Variants in RGS8 observed in about 807,000 individuals in gnomAD.
RGS8 encodes the protein regulator of G-protein signaling 8.
A neutral mutation model predicts 21.7 loss-of-function variants in RGS8; 8 were observed. That is an observed-to-expected ratio of 0.37 (90% CI 0.22 to 0.66). The LOEUF (loss-of-function observed/expected upper bound fraction) is 0.66. Among genes scored for constraint, RGS8 ranks in the 30% least tolerant of loss-of-function variants. RGS8 has a pLI of 0.59. For synonymous variants in RGS8, 80 were observed against 83.6 expected, an observed-to-expected ratio of 0.96 and a Z score of 0.24; for missense variants, 157 against 217.9, an observed-to-expected ratio of 0.72 and a Z score of 1.76.
chr1:182,663,377 C>T (rs1311301389), intron 5 of RGS8, among the ~76,000 whole-genome samples: 3 of 152,228 alleles, frequency 2.0e-5, no homozygotes, highest in African/African-American at 7.2e-5. Flanking sequence ...AAGACCCTTT[C>T]TTTTCGAAGA....
upstream of RGS8, among the ~76,000 whole-genome samples, chr1:182,685,128 T>C (rs1003672973): frequency 1.1e-4 from 16 of 150,066 alleles, no homozygotes; most frequent in Non-Finnish European, 2.4e-4. Context: ...AAGAGTGTAA[T>C]GCATGAAATG....
chr1:182,712,379 G>C, the RGS8 span, among the ~76,000 whole-genome samples: 1 of 152,180 alleles, frequency 6.6e-6, no homozygotes, highest in African/African-American at 2.4e-5. Context: ...CCCAGACCCT[G>C]CCCTACAGGC....
At chr1:182,646,957 G>C (rs904376930) in intron 6 of RGS8, 40 bp from the exon 8 acceptor site, 3 of 1,557,256 alleles carry the variant, frequency 1.9e-6, no homozygotes, top group Non-Finnish European at 2.6e-6. Flanking sequence ...AGGCCCTCAA[G>C]GGCCAAGGTT....
the RGS8 span, among the ~76,000 whole-genome samples, chr1:182,692,195 G>A: frequency 6.6e-6 from 1 of 151,922 alleles, no homozygotes; most frequent in Admixed American, 6.6e-5. Context: ...AGTAGAGACA[G>A]GCTTTCAGCA....
chr1:182,656,281 G>C (rs555812106), intron 5 of RGS8, among the ~76,000 whole-genome samples: 8 of 152,098 alleles, frequency 5.3e-5, no homozygotes, highest in Non-Finnish European at 1.2e-4. Context: ...AGGAGAGACG[G>C]ACTGTAAGCC....
At chr1:182,682,737 C>A (rs1664577096) in intron 1 of RGS8, among the ~76,000 whole-genome samples, 1 of 152,148 alleles carries the variant, frequency 6.6e-6, no homozygotes, top group Admixed American at 6.5e-5. Context: ...TTTTTCCACC[C>A]CAACTCTGCC....
chr1:182,735,842 G>C, the RGS8 span, among the ~76,000 whole-genome samples: 1 of 152,162 alleles, frequency 6.6e-6, no homozygotes, highest in Non-Finnish European at 1.5e-5. Context: ...CCCTCACAGA[G>C]ACACAGGCAA....
the RGS8 span, among the ~76,000 whole-genome samples, chr1:182,737,389 C>T: frequency 2.0e-5 from 3 of 152,010 alleles, no homozygotes; most frequent in East Asian, 1.9e-4. Flanking sequence ...GTGTCCCCAC[C>T]GAAATCTCAT....
the RGS8 span, among the ~76,000 whole-genome samples, chr1:182,694,357 G>A: frequency 6.6e-6 from 1 of 152,146 alleles, no homozygotes. Context: ...TGGAGAGAAG[G>A]AGCCATCCTT....
chr1:182,677,682 G>T (rs189472882), upstream of RGS8, among the ~76,000 whole-genome samples: 4 of 152,264 alleles, frequency 2.6e-5, no homozygotes, highest in African/African-American at 9.6e-5. Context: ...GCATTCATTT[G>T]TCTCCTCACT....
At chr1:182,643,314 C>A (rs1306081008), downstream of RGS8, 2 of 103,218 alleles carry the variant, frequency 1.9e-5, no homozygotes, top group African/African-American at 4.6e-5. Context: ...GTGTCTCCCC[C>A]CTCCCCCAGC....
In RGS8 at chr1:182,684,178, G is replaced by T. The variant is rs530677801; in HGVS notation, n.221+178C>A. On this transcript the variant is annotated intron_variant and non_coding_transcript_variant, in intron 1 of 4. Coordinates refer to the RGS8 transcript ENST00000515211. This position sits in a 1 kb window ranked among gnomAD's most constrained non-coding sequence, Gnocchi z 4.2. ...ATATTTCTACACCCTTGCTCCTGGC[G>T]GAGGTGGCGGGCTTAATAGCTCTGA... 6.6e-6 allele frequency among the ~76,000 whole-genome samples: 1 copy of T among 152,216 alleles called. No individual in the cohort carries two copies. The highest frequency in any genetic ancestry group is 6.5e-5 in the Admixed American group (1 of 15,290).
chr1:182,747,826 AC>A, the RGS8 span, among the ~76,000 whole-genome samples: 1 of 146,108 alleles, frequency 6.8e-6, no homozygotes, highest in Non-Finnish European at 1.5e-5. Context: ...ATGTGGCGGA[AC>A]CCCGTCTCTA....
the RGS8 span, among the ~76,000 whole-genome samples, chr1:182,691,781 C>T: frequency 6.6e-6 from 1 of 152,046 alleles, no homozygotes; most frequent in African/African-American, 2.4e-5. Context: ...CCCGCTCTCA[C>T]CACTCCTATC....
chr1:182,726,333 GTCT>G, the RGS8 span, among the ~76,000 whole-genome samples: 5 of 152,232 alleles, frequency 3.3e-5, no homozygotes, highest in African/African-American at 1.2e-4. Context: ...GTAGAGATAG[GTCT>G]ATGCAGTGCC....
At chr1:182,740,573 TATTGATCATTC>T in the RGS8 span, among the ~76,000 whole-genome samples, 2 of 87,316 alleles carry the variant, frequency 2.3e-5, no homozygotes, top group African/African-American at 1.0e-4. Flanking sequence ...TTTTTTTTTT[TATTGATCATTC>T]TTGGGTGTTT....
At chr1:182,740,536 TTTTG>T in the RGS8 span, among the ~76,000 whole-genome samples, 20,212 of 96,312 alleles carry the variant, frequency 0.21, 1,892 homozygotes, top group African/African-American at 0.24. Context: ...ATGTTGTTTT[TTTTG>T]TTTGTTTGTT....
intron 1 of RGS8, among the ~76,000 whole-genome samples, chr1:182,682,643 A>G (rs1044504876): frequency 1.3e-5 from 2 of 152,156 alleles, no homozygotes; most frequent in African/African-American, 4.8e-5. Context: ...TTTACAGATG[A>G]AGCTGCTCAG....
chr1:182,643,880 T>C (rs1369877739), downstream of RGS8: 1 of 152,322 alleles, frequency 6.6e-6, no homozygotes, highest in Non-Finnish European at 1.5e-5. Context: ...TGGAGAGCAA[T>C]TCTAGAAGTC....
Sources: allele counts gnomAD v4.1 joint callset (sites outside exome capture counted in the v4.1 genomes callset), GRCh38; gene constraint gnomAD v4.1.1; non-coding constraint Gnocchi (gnomAD v3.1); transcripts MANE v1.5; gene names NCBI Gene and HGNC (gene_info 2026-07-23, HGNC 2026-07-21).